Variants in RNF150 observed in about 807,000 individuals in gnomAD.
The protein encoded by RNF150 is ring finger protein 150.
In RNF150, 24 loss-of-function variants were observed where a neutral mutation model predicts 39.3. The ratio of observed to expected loss-of-function variants is 0.61; its 90% confidence interval spans 0.44 to 0.86. RNF150 has a LOEUF of 0.86. Among genes scored for constraint, RNF150 ranks in the 40% least tolerant of loss-of-function variants. The pLI, the probability that RNF150 is intolerant of heterozygous loss-of-function variation, is 0.00. For synonymous variants in RNF150, 255 were observed against 227.3 expected (o/e 1.12, Z -1.10); for missense variants, 502 against 587.8 (o/e 0.85, Z 1.51).
At chr4:141,191,343 C>A (rs959692580) in intron 1 of RNF150, among the ~76,000 whole-genome samples, 4 of 152,216 alleles carry the variant, frequency 2.6e-5, no homozygotes, top group Non-Finnish European at 4.4e-5. Flanking sequence ...CCACTTGTCT[C>A]TGGTTTGGGT....
At chr4:140,986,332 G>A (rs998084454) in intron 1 of RNF150, among the ~76,000 whole-genome samples, 1 of 152,014 alleles carries the variant, frequency 6.6e-6, no homozygotes, top group African/African-American at 2.4e-5. Context: ...ATTTTACAGA[G>A]AAAGAAAATG....
intron 1 of RNF150, among the ~76,000 whole-genome samples, chr4:141,105,556 T>C (rs1739168656): frequency 1.3e-5 from 2 of 152,186 alleles, no homozygotes; most frequent in Non-Finnish European, 2.9e-5. Context: ...GCTTACACCT[T>C]CTCCTGTGTT....
intron 1 of RNF150, among the ~76,000 whole-genome samples, chr4:140,998,994 C>T (rs965516829): frequency 5.3e-5 from 8 of 151,326 alleles, no homozygotes; most frequent in Admixed American, 1.3e-4. Context: ...CAAAGCCTCA[C>T]GAAGCAGGCT....
chr4:141,159,952 C>T (rs954826895), intron 1 of RNF150, among the ~76,000 whole-genome samples: 3 of 151,768 alleles, frequency 2.0e-5, no homozygotes, highest in South Asian at 2.1e-4. Flanking sequence ...TGTTACAATT[C>T]GCAACAATTG....
intron 6 of RNF150, among the ~76,000 whole-genome samples, chr4:140,880,789 C>A (rs959615070): frequency 6.6e-6 from 1 of 151,988 alleles, no homozygotes; most frequent in African/African-American, 2.4e-5. Context: ...GGAATTTCTA[C>A]ATTTATACAT....
rs867374946 is a variant in RNF150 at position 140,935,058 on chromosome 4, A to T, written c.891-8985T>A. On this transcript the variant is annotated intron_variant, in intron 4 of 6. Transcript: ENST00000515673. The stretch of plus-strand genomic sequence containing the variant: ...ATATATATATATAAATATATATATT[A>T]TATATATATAATATATATATAATAT... 8.9e-3 allele frequency among the ~76,000 whole-genome samples: 375 copies of T among 41,956 alleles called. 2 individuals are homozygous for T. The highest frequency in any genetic ancestry group is 0.039 in the Middle Eastern group (3 of 76). 27.5% of individuals were successfully genotyped at this position (41,956 alleles called of 152,430 possible).
At position 141,176,053 on chromosome 4, in the gene RNF150, AT is replaced by A. The variant is rs35532391; in HGVS notation, c.-6+36740del. Among the ~76,000 whole-genome samples, 997 of 144,700 alleles carry A rather than the reference AT, an allele frequency of 6.9e-3. 12 individuals carry two copies. The highest frequency in any genetic ancestry group is 0.019 in the African/African-American group (741 of 39,426). The allele number at this position is 144,700 out of a possible 152,430, so 94.9% of individuals were successfully genotyped here. Reference sequence around the variant, plus strand: ...GCACAAGTGCTACCATGGTGGGCTAATTTTTTTTTTTTTTGTATTTTTTGTA... The same window carrying A: ...GCACAAGTGCTACCATGGTGGGCTAATTTTTTTTTTTTTGTATTTTTTGTA... On this transcript the variant is annotated intron_variant, in intron 1 of 7. Coordinates refer to the RNF150 transcript ENST00000420921.
chr4:141,118,748 G>C (rs188124221), intron 1 of RNF150, among the ~76,000 whole-genome samples: 4 of 152,214 alleles, frequency 2.6e-5, no homozygotes, highest in African/African-American at 9.6e-5. Flanking sequence ...TTTTCTGTTT[G>C]TTTGATTGAG....
chr4:141,080,259 A>T (rs1738098293), intron 1 of RNF150, among the ~76,000 whole-genome samples: 1 of 152,092 alleles, frequency 6.6e-6, no homozygotes, highest in Non-Finnish European at 1.5e-5. Flanking sequence ...TAATCTCTGA[A>T]ATTCATCTAT....
chr4:141,149,550 T>G (rs1727262293), intron 1 of RNF150, among the ~76,000 whole-genome samples: 1 of 152,240 alleles, frequency 6.6e-6, no homozygotes, highest in Non-Finnish European at 1.5e-5. Flanking sequence ...TCCAGGTTGA[T>G]GCAAATGCCA....
At position 140,899,533 on chromosome 4, in the gene RNF150, T is replaced by TTGG. The variant is rs549083114; in HGVS notation, c.1198+11608_1198+11610dup. The stretch of plus-strand genomic sequence containing the variant: ...CTGGGTGATGAGCCAAGGCTGGAGA[T>TTGG]TGGTGGTGGTGGTGGTGTGTGTGTG... On this transcript the variant is annotated intron_variant, in intron 6 of 6. Transcript: ENST00000515673. Among the ~76,000 whole-genome samples, 786 of 152,052 alleles carry TTGG rather than the reference T, an allele frequency of 5.2e-3. 6 individuals are homozygous for TTGG. The highest frequency in any genetic ancestry group is 0.018 in the African/African-American group (735 of 41,510).
intron 1 of RNF150, among the ~76,000 whole-genome samples, chr4:141,163,422 G>A (rs1055232240): frequency 6.6e-6 from 1 of 152,234 alleles, no homozygotes; most frequent in Non-Finnish European, 1.5e-5. Context: ...GAAAAGAGCA[G>A]TGGATCTCTC....
intron 1 of RNF150, among the ~76,000 whole-genome samples, chr4:141,169,269 C>A (rs1362299205): frequency 6.6e-6 from 1 of 152,018 alleles, no homozygotes; most frequent in Non-Finnish European, 1.5e-5. Context: ...GCATGTAGGA[C>A]GTGTCTACTT....
At chr4:141,185,792 TG>T (rs1477232114) in intron 1 of RNF150, among the ~76,000 whole-genome samples, 1 of 152,250 alleles carries the variant, frequency 6.6e-6, no homozygotes, top group Non-Finnish European at 1.5e-5. Flanking sequence ...GATAATCATG[TG>T]GTTTTTGTGA....
intron 1 of RNF150, among the ~76,000 whole-genome samples, chr4:141,037,385 G>A (rs1736186243): frequency 2.0e-5 from 3 of 152,084 alleles, no homozygotes; most frequent in African/African-American, 7.2e-5. Context: ...TTATGTTAAT[G>A]TGAGGATAAG....
chr4:141,032,019 T>TATATATATACACACATATATATATAAAC (rs1553939129), intron 1 of RNF150, among the ~76,000 whole-genome samples: 1 of 151,732 alleles, frequency 6.6e-6, no homozygotes, highest in Non-Finnish European at 1.5e-5. Flanking sequence ...TGTATATATG[T>TATATATATACACACATATATATATAAAC]ATATATATAC....
At chr4:140,896,018 A>T (rs892702516) in intron 6 of RNF150, among the ~76,000 whole-genome samples, 1 of 133,380 alleles carries the variant, frequency 7.5e-6, no homozygotes, top group African/African-American at 2.9e-5. Context: ...AATGGCAATC[A>T]TTAAAAAGTC....
chr4:140,956,203 A>G (rs1185361994), intron 2 of RNF150, among the ~76,000 whole-genome samples: 1 of 152,180 alleles, frequency 6.6e-6, no homozygotes, highest in Non-Finnish European at 1.5e-5. Context: ...AGATAGTGAG[A>G]CAATATTCCA....
chr4:141,124,756 C>G (rs1726706644), intron 1 of RNF150, among the ~76,000 whole-genome samples: 1 of 152,130 alleles, frequency 6.6e-6, no homozygotes. Context: ...AGATTCCAGA[C>G]AGAAATGGTT....
Sources: gnomAD v4.1 joint callset for allele counts (sites outside exome capture counted in the v4.1 genomes callset) on GRCh38, gnomAD v4.1.1 for gene constraint, MANE v1.5 for transcripts, NCBI Gene and HGNC (gene_info 2026-07-23, HGNC 2026-07-21) for gene names.